The following RABGEF1 variants were observed in gnomAD, a reference collection of about 807,000 sequenced individuals.
The protein encoded by RABGEF1 is RAB guanine nucleotide exchange factor 1.
A neutral mutation model predicts 57.3 loss-of-function variants in RABGEF1; 26 were observed. That is an observed-to-expected ratio of 0.45 (90% CI 0.33 to 0.63). The LOEUF (loss-of-function observed/expected upper bound fraction) is 0.63. RABGEF1 is among the 20% of genes least tolerant of loss of function. RABGEF1 has a pLI of 0.02. For synonymous variants in RABGEF1, 185 were observed against 210.7 expected (o/e 0.88, Z 1.06); for missense variants, 464 against 607.6 (o/e 0.76, Z 2.48).
chr7:66,675,502 G>T, the RABGEF1 span, among the ~76,000 whole-genome samples: 39 of 152,138 alleles, frequency 2.6e-4, no homozygotes, highest in East Asian at 7.5e-3. Context: ...TGAAAGACTG[G>T]AAGCTTTTCC....
chr7:66,696,684 C>T (rs1401105929), intron 1 of RABGEF1, among the ~76,000 whole-genome samples: 5 of 131,262 alleles, frequency 3.8e-5, no homozygotes, highest in Admixed American at 8.1e-5. Context: ...GGCGAGACTC[C>T]GTCTCAAAAA....
intron 1 of RABGEF1, among the ~76,000 whole-genome samples, chr7:66,752,195 T>TA (rs374011194): frequency 2.5e-4 from 37 of 145,670 alleles, no homozygotes; most frequent in South Asian, 6.6e-4. Flanking sequence ...CTGTCCCAAT[T>TA]AAAAAAAAAA....
In RABGEF1 at chr7:66,724,392, G is replaced by A. The variant is rs561516666; in HGVS notation, c.-815+12168G>A. Reference sequence around the variant, plus strand: ...TTTTTTTTTTTTGAGACGGAGTCTCGCTCTGTCACCAGGTTGGAGTGCAGT... The same window carrying A: ...TTTTTTTTTTTTGAGACGGAGTCTCACTCTGTCACCAGGTTGGAGTGCAGT... On this transcript the variant is annotated intron_variant and NMD_transcript_variant, in intron 2 of 9. Coordinates refer to the RABGEF1 transcript ENST00000607882. Among the ~76,000 whole-genome samples the A allele has an allele frequency of 4.0e-5, 6 of 151,168 alleles. No individual in the cohort carries two copies. In the South Asian group the frequency reaches 6.2e-4, roughly 16 times the overall value.
chr7:66,738,219 A>G (rs1798276881), upstream of RABGEF1, among the ~76,000 whole-genome samples: 1 of 151,912 alleles, frequency 6.6e-6, no homozygotes, highest in Non-Finnish European at 1.5e-5. Context: ...GCGTTTCACC[A>G]TGTTGGCCAG....
intron 1 of RABGEF1, among the ~76,000 whole-genome samples, chr7:66,696,441 G>A (rs550430148): frequency 6.6e-6 from 1 of 152,210 alleles, no homozygotes; most frequent in East Asian, 1.9e-4. Flanking sequence ...TGTAATCCTA[G>A]CACTTTGAGA....
intron 1 of RABGEF1, among the ~76,000 whole-genome samples, chr7:66,700,842 C>T (rs1246728997): frequency 1.3e-5 from 2 of 152,220 alleles, no homozygotes; most frequent in African/African-American, 4.8e-5. Flanking sequence ...AAGGCCCCAG[C>T]GGCCCAGGCC....
At chr7:66,706,517 C>G (rs1794114404) in intron 1 of RABGEF1, among the ~76,000 whole-genome samples, 1 of 151,796 alleles carries the variant, frequency 6.6e-6, no homozygotes, top group East Asian at 2.0e-4. Context: ...TCAAGCGATT[C>G]TCCTGCCTCA....
At chr7:66,808,857 A>G in intron 8 of RABGEF1, 29 bp from the exon 9 acceptor site, 1 of 1,503,348 alleles carries the variant, frequency 6.7e-7, no homozygotes, top group Non-Finnish European at 9.1e-7. Context: ...CTTTCCTAAT[A>G]TGACTGTATT....
At chr7:66,795,677 G>A in intron 5 of RABGEF1, 85 bp downstream of exon 5, 1 of 1,291,092 alleles carries the variant, frequency 7.7e-7, no homozygotes, top group Non-Finnish European at 1.1e-6. Context: ...TTTCTCTGAT[G>A]GTCTGGCTGG....
At chr7:66,737,878 G>C (rs1798189380), upstream of RABGEF1, among the ~76,000 whole-genome samples, 1 of 152,156 alleles carries the variant, frequency 6.6e-6, no homozygotes, top group African/African-American at 2.4e-5. Context: ...CTTCCCTCTT[G>C]CTGCTCGGTG....
intron 3 of RABGEF1, among the ~76,000 whole-genome samples, chr7:66,776,121 T>G (rs1328233672): frequency 6.6e-6 from 1 of 152,172 alleles, no homozygotes; most frequent in Non-Finnish European, 1.5e-5. Flanking sequence ...ATGTTGGTAC[T>G]CAGAGTTATG....
chr7:66,797,628 C>CCA, intron 6 of RABGEF1, 122 bp downstream of exon 6: 1 of 1,101,244 alleles, frequency 9.1e-7, no homozygotes, highest in Non-Finnish European at 1.3e-6. Flanking sequence ...GTTCCTGCTT[C>CCA]CTTAGAGTGG....
chr7:66,713,353 C>G (rs1228316061), intron 2 of RABGEF1, among the ~76,000 whole-genome samples: 1 of 151,784 alleles, frequency 6.6e-6, no homozygotes, highest in Admixed American at 6.6e-5. Context: ...TGGTCTCAAT[C>G]TCCTGACCTC....
intron 1 of RABGEF1, among the ~76,000 whole-genome samples, chr7:66,684,494 G>A (rs1213234172): frequency 2.6e-5 from 4 of 152,052 alleles, no homozygotes; most frequent in Admixed American, 6.6e-5. Context: ...TCTATCTGTC[G>A]TCCAGGTTGG....
intron 8 of RABGEF1, chr7:66,807,724 CTCTT>C (rs1268606824): frequency 2.6e-5 from 4 of 152,288 alleles, no homozygotes; most frequent in African/African-American, 9.6e-5. Flanking sequence ...GAATCACCTC[CTCTT>C]TCCAGGTCAC....
intron 2 of RABGEF1, among the ~76,000 whole-genome samples, chr7:66,772,634 C>T (rs1013897085): frequency 1.5e-4 from 23 of 152,124 alleles, no homozygotes; most frequent in African/African-American, 5.5e-4. Flanking sequence ...ATGGGCCGGG[C>T]GCAGTGGCTC....
At chr7:66,779,632 A>G (rs1463457272) in intron 3 of RABGEF1, among the ~76,000 whole-genome samples, 2 of 151,390 alleles carry the variant, frequency 1.3e-5, no homozygotes, top group Admixed American at 6.6e-5. Context: ...TGATCATGCA[A>G]CCGTACTCCA....
At chr7:66,671,815 GTCTT>G in the RABGEF1 span, among the ~76,000 whole-genome samples, 1 of 93,938 alleles carries the variant, frequency 1.1e-5, no homozygotes, top group East Asian at 2.7e-4. Context: ...GAGTGAGACT[GTCTT>G]TTTTTTTTTT....
chr7:66,770,710 C>CT (rs1806886754), intron 1 of RABGEF1, among the ~76,000 whole-genome samples: 1 of 152,192 alleles, frequency 6.6e-6, no homozygotes, highest in Non-Finnish European at 1.5e-5. Flanking sequence ...TCCTGAACTC[C>CT]TAGCCTCAAG....
Sources: allele counts gnomAD v4.1 joint callset (sites outside exome capture counted in the v4.1 genomes callset), GRCh38; gene constraint gnomAD v4.1.1; transcripts MANE v1.5; gene names NCBI Gene and HGNC (gene_info 2026-07-23, HGNC 2026-07-21).